Variants in SV2C observed in about 807,000 individuals in gnomAD.
SV2C encodes solute carrier family 22 member B3.
Under a neutral mutation model 79.7 loss-of-function variants are expected in SV2C, and 49 were observed. That is an observed-to-expected ratio of 0.61 (90% CI 0.49 to 0.78). The LOEUF (loss-of-function observed/expected upper bound fraction) is 0.78, where lower values mean the gene tolerates loss of function less well. SV2C is among the 30% of genes least tolerant of loss of function. The pLI is 0.00. For synonymous variants in SV2C, 334 were observed against 333.2 expected, an observed-to-expected ratio of 1.00 and a Z score of -0.03; for missense variants, 833 against 912.9, an observed-to-expected ratio of 0.91 and a Z score of 1.13.
At chr5:75,933,993 A>C in the SV2C span, among the ~76,000 whole-genome samples, 1 of 152,248 alleles carries the variant, frequency 6.6e-6, no homozygotes, top group African/African-American at 2.4e-5. Context: ...CTTAACATTT[A>C]GGTAGTAGCA....
chr5:75,990,439 C>CT, the SV2C span, among the ~76,000 whole-genome samples: 1 of 151,954 alleles, frequency 6.6e-6, no homozygotes, highest in African/African-American at 2.4e-5. Context: ...ATGTGCACTG[C>CT]GTGAGTTAAT....
At chr5:76,245,813 A>T (rs1401831830) in intron 4 of SV2C, among the ~76,000 whole-genome samples, 1 of 152,106 alleles carries the variant, frequency 6.6e-6, no homozygotes, top group Non-Finnish European at 1.5e-5. Context: ...AGGAAGAGAG[A>T]TGTGATTAAT....
chr5:76,273,379 T>G (rs181612170), intron 4 of SV2C, among the ~76,000 whole-genome samples: 1 of 152,160 alleles, frequency 6.6e-6, no homozygotes, highest in East Asian at 1.9e-4. Context: ...GGAAGCACCA[T>G]GCTTGAGTCA....
chr5:76,069,826 T>G, the SV2C span, among the ~76,000 whole-genome samples: 1 of 148,018 alleles, frequency 6.8e-6, no homozygotes, highest in Non-Finnish European at 1.5e-5. Context: ...TTTCTCTCTC[T>G]CTCTCTCTCA....
chr5:76,288,704 G>T (rs1747437737), intron 6 of SV2C, among the ~76,000 whole-genome samples: 1 of 152,158 alleles, frequency 6.6e-6, no homozygotes, highest in African/African-American at 2.4e-5. Flanking sequence ...TTACATGAAG[G>T]TTAGAGGAGA....
chr5:76,065,936 G>A, the SV2C span, among the ~76,000 whole-genome samples: 1 of 152,148 alleles, frequency 6.6e-6, no homozygotes, highest in Admixed American at 6.5e-5. Context: ...CAGTAGGAAT[G>A]GTGTTAGAGC....
intron 4 of SV2C, among the ~76,000 whole-genome samples, chr5:76,252,144 G>A (rs978828858): frequency 1.3e-5 from 2 of 152,168 alleles, no homozygotes; most frequent in East Asian, 3.8e-4. Flanking sequence ...TTTTGAGACA[G>A]AATCTCACTT....
the SV2C span, among the ~76,000 whole-genome samples, chr5:76,052,591 G>A: frequency 3.3e-5 from 5 of 152,128 alleles, no homozygotes; most frequent in African/African-American, 7.2e-5. Context: ...TTTTGAGCCC[G>A]TCTGATGGCC....
intron 12 of SV2C, among the ~76,000 whole-genome samples, chr5:76,341,422 T>C (rs950740065): frequency 6.6e-6 from 1 of 152,126 alleles, no homozygotes; most frequent in South Asian, 2.1e-4. Context: ...GTGAACACAT[T>C]GCTAGGATCC....
chr5:76,353,316 TTAG>T (rs568231378), exon 13 of SV2C: 30 of 223,750 alleles, frequency 1.3e-4, no homozygotes, highest in Non-Finnish European at 2.3e-4. Flanking sequence ...TGCTAAGAAC[TTAG>T]TAGATTTCTT....
chr5:76,158,253 T>C (rs1174574372), intron 2 of SV2C, among the ~76,000 whole-genome samples: 1 of 151,822 alleles, frequency 6.6e-6, no homozygotes, highest in African/African-American at 2.4e-5. Context: ...AGTTAAACAA[T>C]CTTTAGTTAA....
At chr5:76,002,239 A>G in the SV2C span, among the ~76,000 whole-genome samples, 1 of 151,958 alleles carries the variant, frequency 6.6e-6, no homozygotes, top group South Asian at 2.1e-4. Flanking sequence ...GGTTGGTTCT[A>G]TATTTTTGCA....
chr5:76,275,221 C>T (rs760156477), intron 4 of SV2C, among the ~76,000 whole-genome samples: 1 of 152,202 alleles, frequency 6.6e-6, no homozygotes, highest in Non-Finnish European at 1.5e-5. Flanking sequence ...GGTGCAGTGG[C>T]TCACGCCTGT....
chr5:76,349,288 G>C (rs1749603230), intron 12 of SV2C, among the ~76,000 whole-genome samples: 1 of 152,228 alleles, frequency 6.6e-6, no homozygotes, highest in Non-Finnish European at 1.5e-5. Context: ...AAGGCAGGGG[G>C]ATCACGTGAG....
chr5:76,313,212 A>C (rs902318197), intron 12 of SV2C, among the ~76,000 whole-genome samples: 1 of 152,222 alleles, frequency 6.6e-6, no homozygotes, highest in Non-Finnish European at 1.5e-5. Flanking sequence ...TTCTACGTCT[A>C]ATATAAAGAT....
chr5:76,300,143 G>A (rs1747931251), intron 10 of SV2C, among the ~76,000 whole-genome samples: 1 of 126,764 alleles, frequency 7.9e-6, no homozygotes, highest in Non-Finnish European at 1.7e-5. Flanking sequence ...GCTCACTGCG[G>A]CCTCAAATAA....
intron 4 of SV2C, among the ~76,000 whole-genome samples, chr5:76,253,817 A>C (rs553235857): frequency 6.6e-6 from 1 of 152,130 alleles, no homozygotes; most frequent in South Asian, 2.1e-4. Context: ...TTTTAGCTTT[A>C]CCTACAGGCA....
At chr5:76,139,352 A>G (rs953781861) in intron 2 of SV2C, among the ~76,000 whole-genome samples, 11 of 152,188 alleles carry the variant, frequency 7.2e-5, no homozygotes, top group African/African-American at 2.4e-4. Context: ...TGCTGTAGCT[A>G]AGACCTCTCA....
intron 2 of SV2C, among the ~76,000 whole-genome samples, chr5:76,158,358 T>C (rs978471652): frequency 5.3e-5 from 8 of 151,378 alleles, no homozygotes; most frequent in African/African-American, 1.9e-4. Context: ...AAGGAAAAGA[T>C]ATACCATGTA....
Sources: gnomAD v4.1 joint callset for allele counts (sites outside exome capture counted in the v4.1 genomes callset) on GRCh38, gnomAD v4.1.1 for gene constraint, MANE v1.5 for transcripts, NCBI Gene and HGNC (gene_info 2026-07-23, HGNC 2026-07-21) for gene names.